The following FRMD8 variants were observed in gnomAD, a reference collection of about 807,000 sequenced individuals.
FRMD8 encodes the protein FERM domain containing 8.
FRMD8 carries 37 observed loss-of-function variants against 54.2 expected under a neutral mutation model. The ratio of observed to expected loss-of-function variants is 0.68; its 90% confidence interval spans 0.53 to 0.90. The LOEUF (loss-of-function observed/expected upper bound fraction) is 0.90. Among genes scored for constraint, FRMD8 ranks in the 40% least tolerant of loss-of-function variants. The pLI, the probability that FRMD8 is intolerant of heterozygous loss-of-function variation, is 0.00. For synonymous variants in FRMD8, 246 were observed against 286.9 expected (o/e 0.86, Z 1.44); for missense variants, 585 against 653.7 (o/e 0.89, Z 1.15).
Position 65,400,640 on chromosome 11 carries a change from C to T in FRMD8, c.928-84C>T. 7.3e-7 allele frequency: 1 copy of T among 1,378,884 alleles called. No homozygotes were observed. The highest frequency in any genetic ancestry group is 9.7e-7 in the Non-Finnish European group (1 of 1,035,044). The allele number at this position is 1,378,884 out of a possible 1,614,324, so 85.4% of individuals were successfully genotyped here. On this transcript the variant is annotated intron_variant, in intron 8 of 10. Coordinates refer to ENST00000317568, the MANE Select transcript of FRMD8 (RefSeq NM_031904.5). The surrounding 1 kb of genome is among the most constrained non-coding windows in gnomAD (Gnocchi z 4.3). ...ACTCAGCCTTGGAGAGGCACACACC[C>T]TGGCCAGGTGTCTGAGTGGGATGGG...
Position 65,411,429 on chromosome 11 carries a change from G to A in FRMD8, c.*69G>A. 9.6e-7 allele frequency: 1 copy of A among 1,043,312 alleles called. No individual in the cohort carries two copies. The highest frequency in any genetic ancestry group is 1.4e-6 in the Non-Finnish European group (1 of 738,942). The allele number at this position is 1,043,312 out of a possible 1,614,324, so 64.6% of individuals were successfully genotyped here. On this transcript the variant is annotated 3_prime_UTR_variant, in exon 11 of 11. Transcript: ENST00000317568. ...CCGGCACTGTCCTCCTGAGGGGCAG[G>A]CGCCGGCTGCAACAGTCTCATGGGT...
In FRMD8 at chr11:65,411,228, C is replaced by G. The variant is rs1049775331; in HGVS notation, c.1277-14C>G. 1.3e-6 allele frequency: 2 copies of G among 1,598,266 alleles called. No homozygotes were observed. Among genetic ancestry groups the G allele is most frequent in the African/African-American group, 2.7e-5 (2 of 74,558 alleles). On this transcript the variant is annotated splice_polypyrimidine_tract_variant and intron_variant, in intron 10 of 10. Transcript: ENST00000317568. The stretch of plus-strand genomic sequence containing the variant: ...CAGCGCCTCTGCTCAGTGTGCCCTC[C>G]CATTCCCTCGCAGGCAAGGGGATCA...
At chr11:65,380,684 C>A in the FRMD8 span, 11 of 1,055,730 alleles carry the variant, frequency 1.0e-5, no homozygotes, top group Middle Eastern at 7.5e-4. Flanking sequence ...CCCTCCCCTC[C>A]ACCTGCCCAC....
At chr11:65,397,121 G>A in intron 7 of FRMD8, 101 bp downstream of exon 7, 1 of 643,160 alleles carries the variant, frequency 1.6e-6, no homozygotes, top group East Asian at 3.4e-5. Flanking sequence ...CAGCTGAGCT[G>A]TGTCCCCATG....
chr11:65,374,748 A>G, the FRMD8 span, among the ~76,000 whole-genome samples: 2 of 152,166 alleles, frequency 1.3e-5, no homozygotes, highest in East Asian at 3.9e-4. Flanking sequence ...TGGGAGGGCT[A>G]TCTGTGCTCA....
At chr11:65,393,742 A>T in intron 4 of FRMD8, 68 bp downstream of exon 4, 1 of 1,356,596 alleles carries the variant, frequency 7.4e-7, no homozygotes, top group Non-Finnish European at 1.0e-6. Context: ...CTCCCAGCCC[A>T]GCCAGGGCCC....
intron 9 of FRMD8, among the ~76,000 whole-genome samples, chr11:65,401,835 T>C (rs1176812804): frequency 6.6e-6 from 1 of 150,954 alleles, no homozygotes; most frequent in Non-Finnish European, 1.5e-5. Context: ...TTTTTTTTTT[T>C]TTTTTTTTGA....
In FRMD8 at chr11:65,396,991, C is replaced by T. The variant is rs766733355; in HGVS notation, c.774C>T (p.Leu258=). 6.8e-7 allele frequency: 1 copy of T among 1,469,118 alleles called. No individual in the cohort carries two copies. The highest frequency in any genetic ancestry group is 2.7e-5 in the East Asian group (1 of 36,750). 91.0% of individuals were successfully genotyped at this position (1,469,118 alleles called of 1,614,324 possible). A position where few individuals can be genotyped will look rare whatever the true frequency, so the allele number is the denominator to read the frequency against. ...TGGGCACCCACTACCGCGCCTATCT[C>T]CTCAAGTGCCACGAGCTGCCGTTTT... The part of the protein sequence containing the change: ...AALGTHYRAY[L]LKCHELPFYG... Residue 258 remains leucine, a synonymous_variant, in exon 7 of 11, where the codon CTC becomes CTT. Coordinates refer to ENST00000317568, the MANE Select transcript of FRMD8 (RefSeq NM_031904.5).
the FRMD8 span, among the ~76,000 whole-genome samples, chr11:65,368,654 C>T: frequency 6.6e-6 from 1 of 152,124 alleles, no homozygotes; most frequent in Non-Finnish European, 1.5e-5. Context: ...AGCTCTGCCT[C>T]CCGGGTTCAC....
At chr11:65,398,031 A>G (rs1443771156) in intron 7 of FRMD8, among the ~76,000 whole-genome samples, 1 of 151,968 alleles carries the variant, frequency 6.6e-6, no homozygotes, top group Non-Finnish European at 1.5e-5. Flanking sequence ...CTGCACCACT[A>G]TGCACGGCTA....
In FRMD8 at chr11:65,413,110, T is replaced by C. The variant is rs1856372952; in HGVS notation, c.*1750T>C. 6.6e-6 allele frequency: 1 copy of C among 152,328 alleles called. No individual in the cohort carries two copies. The highest frequency in any genetic ancestry group is 1.5e-5 in the Non-Finnish European group (1 of 68,144). The allele number at this position is 152,328 out of a possible 1,614,324, so 9.4% of individuals were successfully genotyped here. On this transcript the variant is annotated 3_prime_UTR_variant, in exon 11 of 11. Coordinates refer to ENST00000317568, the MANE Select transcript of FRMD8 (RefSeq NM_031904.5). ...CTCAAGCGATTCTCCTGCCTCAGCC[T>C]CCTGAGTAGCTGGGATTACAGGTGC...
At chr11:65,394,496 C>G in intron 6 of FRMD8, 71 bp downstream of exon 6, 1 of 1,495,938 alleles carries the variant, frequency 6.7e-7, no homozygotes, top group Non-Finnish European at 8.9e-7. Context: ...AACTTACAAG[C>G]AGTCTTCAGT....
At chr11:65,389,589 AG>A (rs1232653063) in intron 3 of FRMD8, 61 bp downstream of exon 3, 24 of 1,478,670 alleles carry the variant, frequency 1.6e-5, no homozygotes, top group Non-Finnish European at 2.1e-5. Flanking sequence ...CCAGTACAGG[AG>A]GGAGGGGGCA....
At chr11:65,408,940 C>T (rs1419648220) in intron 10 of FRMD8, among the ~76,000 whole-genome samples, 1 of 151,746 alleles carries the variant, frequency 6.6e-6, no homozygotes, top group Admixed American at 6.6e-5. Context: ...GCTTTTCATA[C>T]CTGCCACCTT....
At chr11:65,378,239 C>T in the FRMD8 span, 2 of 152,212 alleles carry the variant, frequency 1.3e-5, no homozygotes, top group African/African-American at 4.8e-5. Context: ...GATGCCATTT[C>T]AGAAGGTCAG....
At chr11:65,371,317 T>C in the FRMD8 span, among the ~76,000 whole-genome samples, 2 of 152,034 alleles carry the variant, frequency 1.3e-5, no homozygotes, top group African/African-American at 4.8e-5. Context: ...CATAAGTTAG[T>C]CTCCTGGAAT....
upstream of FRMD8, chr11:65,383,757 CA>C (rs537312470): frequency 1.7e-5 from 1 of 58,930 alleles, no homozygotes; most frequent in African/African-American, 5.4e-5. Context: ...GACTCCGTCT[CA>C]AAAAAAAAAA....
In FRMD8 at chr11:65,394,404, G is replaced by A. The variant is rs574296783; in HGVS notation, c.560G>A (p.Arg187Gln). The change falls in exon 6 of 11, where the codon CGG (arginine) becomes CAG (glutamine). Residue 187 changes from arginine to glutamine, a missense_variant. Arg to Gln is a conservative substitution (Grantham distance 43, BLOSUM62 1). Transcript: ENST00000317568. ...RVQLGPYQPG[R>Q]PAACDLREKL... Reference sequence around the variant, plus strand: ...CAGCTTGGGCCCTACCAGCCCGGCCGGCCGGCAGCCTGCGACCTGAGGTGA... The same window carrying A: ...CAGCTTGGGCCCTACCAGCCCGGCCAGCCGGCAGCCTGCGACCTGAGGTGA... 103 of 1,569,454 alleles carry A rather than the reference G, an allele frequency of 6.6e-5. No homozygotes were observed. In the East Asian group the frequency reaches 6.8e-4, roughly 10 times the overall value.
At chr11:65,370,424 AGGCGCG>A in the FRMD8 span, among the ~76,000 whole-genome samples, 1 of 146,424 alleles carries the variant, frequency 6.8e-6, no homozygotes, top group Admixed American at 6.7e-5. Flanking sequence ...TACCTGGGCC[AGGCGCG>A]GTGGCTCACG....
Sources: gnomAD v4.1 joint callset for allele counts (sites outside exome capture counted in the v4.1 genomes callset) on GRCh38, gnomAD v4.1.1 for gene constraint, Gnocchi (gnomAD v3.1) non-coding constraint, MANE v1.5 for transcripts, NCBI Gene and HGNC (gene_info 2026-07-23, HGNC 2026-07-21) for gene names.